NSD2: variants seen among roughly 807,000 people sequenced by gnomAD.
NSD2 encodes the protein nuclear receptor binding SET domain protein 2.
Under a neutral mutation model 139.0 loss-of-function variants are expected in NSD2, and 12 were observed. That is an observed-to-expected ratio of 0.09 (90% confidence interval 0.06 to 0.14). The LOEUF is 0.14. Ranked by LOEUF, NSD2 falls within the 10% of genes least tolerant of loss-of-function variation. The pLI is 1.00. For missense variants in NSD2, 1,155 were observed against 1,745.0 expected (o/e 0.66, Z 6.02); for synonymous variants, 669 against 648.7 (o/e 1.03, Z -0.48).
rs766169100 is a variant in NSD2 at position 1,976,398 on chromosome 4, G to T, written c.3622-77G>T. ...CAGAGATCTCTGAAGTTCCTGGAGTGTAGCTCGCTCTTCTGCCCTATTTGC... is the reference window on the plus strand; with the variant it reads ...CAGAGATCTCTGAAGTTCCTGGAGTTTAGCTCGCTCTTCTGCCCTATTTGC... On this transcript the variant is annotated intron_variant, in intron 20 of 21. Coordinates refer to ENST00000508803, the MANE Select transcript of NSD2 (RefSeq NM_001042424.3). The surrounding 1 kb of genome is among the most constrained non-coding windows in gnomAD (Gnocchi z 5.3). 1.7e-5 allele frequency: 26 copies of T among 1,496,386 alleles called. No individual in the cohort carries two copies. In the Admixed American group the frequency reaches 5.2e-4, roughly 30 times the overall value. 92.7% of individuals were successfully genotyped at this position (1,496,386 alleles called of 1,614,324 possible). A position where few individuals can be genotyped will look rare whatever the true frequency, so the allele number is the denominator to read the frequency against.
At chr4:1,967,567 G>C (rs953103833) in intron 18 of NSD2, among the ~76,000 whole-genome samples, 3 of 150,188 alleles carry the variant, frequency 2.0e-5, no homozygotes, top group South Asian at 2.1e-4. Context: ...AACAGAGCGA[G>C]ACTTTGTCTC....
chr4:1,975,118 T>G, intron 19 of NSD2, 114 bp downstream of exon 19: 1 of 1,531,270 alleles, frequency 6.5e-7, no homozygotes, highest in Non-Finnish European at 8.9e-7. Context: ...GGTGCTGATG[T>G]GGAGTCTCTT....
At chr4:1,879,466 G>T (rs1010913924) in intron 1 of NSD2, among the ~76,000 whole-genome samples, 1 of 152,132 alleles carries the variant, frequency 6.6e-6, no homozygotes, top group Non-Finnish European at 1.5e-5. Context: ...TGATCCGCCC[G>T]CCTCGGCCTC....
Position 1,961,261 on chromosome 4 carries a change from A to G in NSD2, c.3372+110A>G. On this transcript the variant is annotated intron_variant, in intron 18 of 21. Transcript: ENST00000508803. ...TGGCAGCGCCAGCATTTGTCTCCTT[A>G]GCTGCTTATTTTCAAACATCTGCAC... 2 of 830,618 alleles carry G rather than the reference A, an allele frequency of 2.4e-6. 1 individual carries two copies. Among genetic ancestry groups the G allele is most frequent in the South Asian group, 4.2e-5 (2 of 47,888 alleles). 51.5% of individuals were successfully genotyped at this position (830,618 alleles called of 1,614,324 possible).
chr4:1,952,825 A>G, intron 11 of NSD2: 1 of 1,207,638 alleles, frequency 8.3e-7, no homozygotes. Context: ...CTTCCTGCCT[A>G]CTCACCGGGC....
chr4:1,893,464 G>A (rs567577671), intron 1 of NSD2, among the ~76,000 whole-genome samples: 16 of 151,376 alleles, frequency 1.1e-4, no homozygotes, highest in Admixed American at 5.9e-4. Context: ...CAGAGACTCC[G>A]TTTCAATAAA....
rs556597572 is a variant in NSD2 at position 1,944,476 on chromosome 4, T to A, written c.1881+4698T>A. 7 of 1,065,522 alleles carry A rather than the reference T, an allele frequency of 6.6e-6. No individual in the cohort carries two copies. The South Asian group carries it at 3.2e-4, about 48-fold the overall frequency. The allele number at this position is 1,065,522 out of a possible 1,614,324, so 66.0% of individuals were successfully genotyped here. ...TTGTTTGTCATACATGGAACCATTTTAGTCCCATTTGACTCACTTCAGACC... is the reference window on the plus strand; with the variant it reads ...TTGTTTGTCATACATGGAACCATTTAAGTCCCATTTGACTCACTTCAGACC... On this transcript the variant is annotated intron_variant, in intron 9 of 21. Coordinates refer to ENST00000508803, the MANE Select transcript of NSD2 (RefSeq NM_001042424.3).
chr4:1,949,118 C>T (rs1723945002), intron 9 of NSD2, among the ~76,000 whole-genome samples: 1 of 152,236 alleles, frequency 6.6e-6, no homozygotes, highest in Non-Finnish European at 1.5e-5. Flanking sequence ...CTCAGAAGTG[C>T]TCAGGTCTCC....
chr4:1,975,275 C>T lies in NSD2; in HGVS notation c.3515-19C>T. ...AAGGCAGGTGTTTCCAATTTGGTGT[C>T]TGTCTCCTCTTCTCCCAGGGACGGA... On this transcript the variant is annotated intron_variant, in intron 19 of 21. Coordinates refer to ENST00000508803, the MANE Select transcript of NSD2 (RefSeq NM_001042424.3). 6.2e-7 allele frequency: 1 copy of T among 1,612,424 alleles called. No individual in the cohort carries two copies. Among genetic ancestry groups the T allele is most frequent in the Non-Finnish European group, 8.5e-7 (1 of 1,178,484 alleles).
chr4:1,896,771 CTTTTT>C (rs373798315), intron 1 of NSD2, among the ~76,000 whole-genome samples: 2 of 149,608 alleles, frequency 1.3e-5, no homozygotes, highest in South Asian at 2.1e-4. Context: ...TCTTTCTTCT[CTTTTT>C]TTTCTTTTCT....
intron 18 of NSD2, among the ~76,000 whole-genome samples, chr4:1,969,744 A>G (rs1726252042): frequency 6.6e-6 from 1 of 152,130 alleles, no homozygotes; most frequent in Non-Finnish European, 1.5e-5. Flanking sequence ...AAACAGCAGA[A>G]CTTCCTTACA....
intron 5 of NSD2, 185 bp downstream of exon 5, chr4:1,918,808 T>C (rs1012458123): frequency 1.5e-5 from 12 of 803,840 alleles, no homozygotes; most frequent in Non-Finnish European, 5.6e-6. Flanking sequence ...GATACTCGAC[T>C]TGCACTCTGG....
intron 8 of NSD2, chr4:1,939,330 A>G (rs1440561957): frequency 9.3e-6 from 3 of 322,252 alleles, no homozygotes; most frequent in South Asian, 4.4e-5. Context: ...GATTTGTGCT[A>G]AACTTCTTAT....
chr4:1,909,887 A>T (rs1444236640), intron 3 of NSD2, among the ~76,000 whole-genome samples: 1 of 151,374 alleles, frequency 6.6e-6, no homozygotes, highest in Non-Finnish European at 1.5e-5. Flanking sequence ...GATCCGCCCA[A>T]CTCGGCCTCC....
At position 1,979,685 on chromosome 4, in the gene NSD2, T is replaced by C. The variant is rs1727559605; in HGVS notation, c.*776T>C. The C allele has an allele frequency of 4.3e-6, 1 of 232,606 alleles. No homozygotes were observed. Among genetic ancestry groups the C allele is most frequent in the African/African-American group, 2.2e-5 (1 of 45,456 alleles). 14.4% of individuals were successfully genotyped at this position (232,606 alleles called of 1,614,324 possible). ...GGGCCTATCTTCTGAACTCGCTAGG[T>C]TCTTATCAACATTTGGGGGATAACT... On this transcript the variant is annotated 3_prime_UTR_variant, in exon 22 of 22. Transcript: ENST00000508803.
chr4:1,962,205 CTG>C (rs1189517426), intron 18 of NSD2, among the ~76,000 whole-genome samples: 1 of 152,180 alleles, frequency 6.6e-6, no homozygotes, highest in Non-Finnish European at 1.5e-5. Context: ...GCACTGGGCT[CTG>C]TGTCAATCAC....
chr4:1,978,831 G>GC lies in NSD2; in HGVS notation c.4028dup (p.Glu1344ArgfsTer91), dbSNP rs752037034. The GC allele has an allele frequency of 2.7e-4, 434 of 1,600,028 alleles. No homozygotes were observed. Among genetic ancestry groups the GC allele is most frequent in the Admixed American group, 4.1e-4 (24 of 59,160 alleles). On this transcript the variant is annotated frameshift_variant, in exon 22 of 22. Transcript: ENST00000508803. LOFTEE classifies it high-confidence loss of function. Reference sequence around the variant, plus strand: ...CGGTCAGAAGCACCAAGACTGAGAAGCCCCCCCCAGAGCCAGGGAAGCCGA... The same window carrying GC: ...CGGTCAGAAGCACCAAGACTGAGAAGCCCCCCCCCAGAGCCAGGGAAGCCGA...
chr4:1,885,642 C>T (rs1184039786), intron 1 of NSD2, among the ~76,000 whole-genome samples: 1 of 151,776 alleles, frequency 6.6e-6, no homozygotes, highest in Non-Finnish European at 1.5e-5. Flanking sequence ...GCTCTGGGTC[C>T]TTGAGCCTAG....
intron 21 of NSD2, among the ~76,000 whole-genome samples, chr4:1,977,546 T>C (rs914053521): frequency 2.0e-5 from 3 of 151,622 alleles, no homozygotes; most frequent in African/African-American, 7.3e-5. Context: ...GAGGCCAAGG[T>C]GAGCAGATCA....
Sources: gnomAD v4.1 joint callset for allele counts (sites outside exome capture counted in the v4.1 genomes callset) on GRCh38, gnomAD v4.1.1 for gene constraint, Gnocchi (gnomAD v3.1) non-coding constraint, MANE v1.5 for transcripts, NCBI Gene and HGNC (gene_info 2026-07-23, HGNC 2026-07-21) for gene names.